Variants in MAPKAPK2 observed in about 807,000 individuals in gnomAD.
MAPKAPK2 encodes the protein MAP kinase-activated protein kinase 2.
Under a neutral mutation model 48.8 loss-of-function variants are expected in MAPKAPK2, and 9 were observed. The observed-to-expected ratio is 0.18, with a 90% CI of 0.11 to 0.32. The LOEUF (loss-of-function observed/expected upper bound fraction) is 0.32, where lower values mean the gene tolerates loss of function less well. MAPKAPK2 is among the 10% of genes least tolerant of loss of function. The probability of loss-of-function intolerance (pLI) is 1.00; values close to 1 mark genes in which losing one functional copy is unlikely to be tolerated. For synonymous variants in MAPKAPK2, 202 were observed against 190.6 expected (o/e 1.06, Z -0.49); for missense variants, 331 against 498.3 (o/e 0.66, Z 3.20).
chr1:206,685,322 C>T lies in MAPKAPK2; in HGVS notation c.93C>T (p.Pro31=). ...PQPPTPALPH[P]PAQPPPPPPQ... ...CCCCCACCCCTGCCCTGCCGCACCC[C>T]CCGGCGCAGCCGCCGCCGCCGCCCC... is the stretch of plus-strand genomic sequence containing the variant. The change falls in exon 1 of 10, where the codon CCC becomes CCT. Residue 31 remains proline (P), a synonymous_variant. Transcript: ENST00000367103. 2 of 1,414,964 alleles carry T rather than the reference C, an allele frequency of 1.4e-6. No homozygotes were observed. The highest frequency in any genetic ancestry group is 1.9e-6 in the Non-Finnish European group (2 of 1,064,982). 87.7% of individuals were successfully genotyped at this position (1,414,964 alleles called of 1,614,324 possible). A position where few individuals can be genotyped will look rare whatever the true frequency, so the allele number is the denominator to read the frequency against.
rs537071571 is a variant in MAPKAPK2 at position 206,731,564 on chromosome 1, C to T, written c.893-76C>T. On this transcript the variant is annotated intron_variant, in intron 7 of 9. Coordinates refer to ENST00000367103, the MANE Select transcript of MAPKAPK2 (RefSeq NM_032960.4). This position sits in a 1 kb window ranked among gnomAD's most constrained non-coding sequence, Gnocchi z 5.9. ...CACCCCCTCTTTGAACCTGGTTTCC[C>T]CATGAAAACTGGGGAAAGGAGCAGG... The T allele has an allele frequency of 1.4e-5, 19 of 1,329,878 alleles. No homozygotes were observed. The African/African-American group carries it at 2.3e-4, about 16-fold the overall frequency. The allele number at this position is 1,329,878 out of a possible 1,614,324, so 82.4% of individuals were successfully genotyped here.
chr1:206,693,264 C>T (rs1391406421), intron 1 of MAPKAPK2, among the ~76,000 whole-genome samples: 3 of 152,178 alleles, frequency 2.0e-5, no homozygotes, highest in African/African-American at 7.2e-5. Flanking sequence ...GCTGCAGTCT[C>T]CCCTCACAGC....
chr1:206,722,743 G>A (rs1456547886), intron 1 of MAPKAPK2, among the ~76,000 whole-genome samples: 3 of 152,156 alleles, frequency 2.0e-5, no homozygotes, highest in South Asian at 2.1e-4. Flanking sequence ...AGCCCCCCTC[G>A]GCCTGCAGCC....
chr1:206,689,670 T>C (rs1275266999), intron 1 of MAPKAPK2, among the ~76,000 whole-genome samples: 1 of 152,236 alleles, frequency 6.6e-6, no homozygotes, highest in African/African-American at 2.4e-5. Flanking sequence ...AATTAACACA[T>C]GTAGGCTAGG....
chr1:206,693,312 C>T (rs1376936092), intron 1 of MAPKAPK2, among the ~76,000 whole-genome samples: 2 of 152,114 alleles, frequency 1.3e-5, no homozygotes, highest in African/African-American at 2.4e-5. Context: ...CCTGCCACAC[C>T]GCTGACCTGT....
intron 1 of MAPKAPK2, among the ~76,000 whole-genome samples, chr1:206,687,393 T>C (rs1392287098): frequency 6.6e-6 from 1 of 152,224 alleles, no homozygotes; most frequent in South Asian, 2.1e-4. Context: ...TAAATAACAC[T>C]CATAGTTTAT....
At chr1:206,730,217 G>C in intron 5 of MAPKAPK2, 119 bp downstream of exon 5, 2 of 1,259,796 alleles carry the variant, frequency 1.6e-6, no homozygotes, top group Non-Finnish European at 2.2e-6. Flanking sequence ...GCCCCTTCTG[G>C]TGCTGGTTCT....
chr1:206,709,150 TC>T lies in MAPKAPK2; in HGVS notation c.280-19558del, dbSNP rs1247147916. ...GTTACAGGAGGCTGTTACTTATTGT[TC>T]CTATCTGACTCTCTGCCCTGCCCTC... On this transcript the variant is annotated intron_variant, in intron 1 of 9. Transcript: ENST00000367103. Among the ~76,000 whole-genome samples the T allele has an allele frequency of 2.0e-5, 3 of 152,308 alleles. No individual in the cohort carries two copies. The East Asian group carries it at 5.8e-4, about 29-fold the overall frequency.
chr1:206,691,502 T>TATATATATATACATACACAC (rs1553426248), intron 1 of MAPKAPK2, among the ~76,000 whole-genome samples: 1 of 132,730 alleles, frequency 7.5e-6, no homozygotes, highest in African/African-American at 2.9e-5. Context: ...TATATATATA[T>TATATATATATACATACACAC]ATACACACAT....
intron 1 of MAPKAPK2, among the ~76,000 whole-genome samples, chr1:206,719,616 CA>C (rs1436535996): frequency 6.6e-6 from 1 of 152,212 alleles, no homozygotes; most frequent in East Asian, 1.9e-4. Context: ...CGTCACTCCT[CA>C]TTGAGCTTTG....
rs1294308272 is a variant in MAPKAPK2, at chr1:206,731,420, C to T, written c.892+158C>T. On this transcript the variant is annotated intron_variant, in intron 7 of 9. Transcript: ENST00000367103. The surrounding 1 kb of genome is among the most constrained non-coding windows in gnomAD (Gnocchi z 5.9). The stretch of plus-strand genomic sequence containing the variant: ...CACGCCTGCGGGGTGCGTCCTGCTT[C>T]ATTTTGCCTGTGTGGAGGGCTGGAG... 7.1e-7 allele frequency: 1 copy of T among 1,411,584 alleles called. No individual in the cohort carries two copies. Among genetic ancestry groups the T allele is most frequent in the Non-Finnish European group, 9.6e-7 (1 of 1,041,684 alleles). The allele number at this position is 1,411,584 out of a possible 1,614,324, so 87.4% of individuals were successfully genotyped here. A position where few individuals can be genotyped will look rare whatever the true frequency, so the allele number is the denominator to read the frequency against.
intron 1 of MAPKAPK2, among the ~76,000 whole-genome samples, chr1:206,711,231 T>C (rs1437740344): frequency 1.3e-5 from 2 of 152,222 alleles, no homozygotes; most frequent in African/African-American, 2.4e-5. Flanking sequence ...CTTGCTTTTT[T>C]CATGGAAGTT....
At chr1:206,712,962 T>TCACTCACACA (rs1553429740) in intron 1 of MAPKAPK2, among the ~76,000 whole-genome samples, 1 of 112,230 alleles carries the variant, frequency 8.9e-6, no homozygotes, top group African/African-American at 3.6e-5. Flanking sequence ...TGAGACTCCA[T>TCACTCACACA]CACACACACA....
chr1:206,688,632 ATTATTT>A (rs1441009694), intron 1 of MAPKAPK2, among the ~76,000 whole-genome samples: 2 of 151,908 alleles, frequency 1.3e-5, no homozygotes, highest in Admixed American at 6.6e-5. Context: ...TGGGAATTCT[ATTATTT>A]TTATTTTTAT....
chr1:206,701,831 TAAAAAAA>T (rs1181483621), intron 1 of MAPKAPK2, among the ~76,000 whole-genome samples: 1 of 86,966 alleles, frequency 1.1e-5, no homozygotes, highest in African/African-American at 4.6e-5. Flanking sequence ...ACCCTGTCTC[TAAAAAAA>T]AAAAAAAAAA....
intron 1 of MAPKAPK2, among the ~76,000 whole-genome samples, chr1:206,687,784 G>A (rs182842838): frequency 6.6e-6 from 1 of 152,340 alleles, no homozygotes; most frequent in Non-Finnish European, 1.5e-5. Context: ...GGAAGATGGA[G>A]TGGGGCAAGA....
rs1673904286 is a variant in MAPKAPK2, at chr1:206,731,329, C to T, written c.892+67C>T. On this transcript the variant is annotated intron_variant, in intron 7 of 9. Coordinates refer to ENST00000367103, the MANE Select transcript of MAPKAPK2 (RefSeq NM_032960.4). The surrounding 1 kb of genome is among the most constrained non-coding windows in gnomAD (Gnocchi z 5.9). ...GTGTGTGTGTGTGTGTATGTGTGTA[C>T]ACGCAGACACATGTATGGGCCTCCA... is the stretch of plus-strand genomic sequence containing the variant. The T allele has an allele frequency of 1.3e-6, 2 of 1,595,320 alleles. No individual in the cohort carries two copies. Among genetic ancestry groups the T allele is most frequent in the South Asian group, 2.2e-5 (2 of 88,960 alleles).
intron 1 of MAPKAPK2, among the ~76,000 whole-genome samples, chr1:206,698,653 T>C (rs1319081633): frequency 6.6e-6 from 1 of 152,260 alleles, no homozygotes. Context: ...ACTTACATTC[T>C]TGTTAATCCT....
chr1:206,699,928 CTTTTT>C (rs1344699757), intron 1 of MAPKAPK2, among the ~76,000 whole-genome samples: 1 of 151,430 alleles, frequency 6.6e-6, no homozygotes, highest in Non-Finnish European at 1.5e-5. Flanking sequence ...CTTTCTCTCT[CTTTTT>C]CTTTTCTCCT....
Sources: allele counts gnomAD v4.1 joint callset (sites outside exome capture counted in the v4.1 genomes callset), GRCh38; gene constraint gnomAD v4.1.1; non-coding constraint Gnocchi (gnomAD v3.1); transcripts MANE v1.5; gene names NCBI Gene and HGNC (gene_info 2026-07-23, HGNC 2026-07-21).